CLRN2: variants seen among roughly 807,000 people sequenced by gnomAD.
CLRN2 encodes clarin 2, also known as clarin-2.
A neutral mutation model predicts 20.1 loss-of-function variants in CLRN2; 17 were observed. The observed-to-expected ratio is 0.85, with a 90% CI of 0.58 to 1.27. The LOEUF is 1.27. CLRN2 is among the 50% of genes most tolerant of loss of function. The probability of loss-of-function intolerance (pLI) is 0.00; values close to 1 mark genes in which losing one functional copy is unlikely to be tolerated. For synonymous variants in CLRN2, 140 were observed against 126.9 expected (o/e 1.10, Z -0.70); for missense variants, 288 against 299.5 (o/e 0.96, Z 0.28).
At chr4:17,516,918 G>A (rs1049693450) in intron 1 of CLRN2, among the ~76,000 whole-genome samples, 3 of 152,176 alleles carry the variant, frequency 2.0e-5, no homozygotes, top group African/African-American at 7.2e-5. Flanking sequence ...AGGGAAAATG[G>A]CTTACACATT....
intron 2 of CLRN2, among the ~76,000 whole-genome samples, chr4:17,524,006 C>A (rs991269552): frequency 1.3e-5 from 2 of 151,744 alleles, no homozygotes; most frequent in African/African-American, 2.4e-5. Flanking sequence ...TCACCACATC[C>A]CTATGGGAGG....
In CLRN2 at chr4:17,527,063, C is replaced by G; in HGVS notation, c.680C>G (p.Ala227Gly). ...KTKIEEATVT[A>G]EDILY ...AAAATCGAAGAGGCCACGGTCACAGCTGAGGATATCTTGTATTAATAGCCT... is the reference window on the plus strand; with the variant it reads ...AAAATCGAAGAGGCCACGGTCACAGGTGAGGATATCTTGTATTAATAGCCT... Residue 227 changes from alanine (A) to glycine (G), a missense_variant, in exon 3 of 3, where the codon GCT (alanine) becomes GGT (glycine). Ala to Gly is a moderately conservative substitution (Grantham distance 60). Coordinates refer to ENST00000511148, the MANE Select transcript of CLRN2 (RefSeq NM_001079827.2). 1 of 1,613,930 alleles carries G rather than the reference C, an allele frequency of 6.2e-7. No homozygotes were observed. The highest frequency in any genetic ancestry group is 8.5e-7 in the Non-Finnish European group (1 of 1,179,876).
In CLRN2 at chr4:17,526,807, T is replaced by A. The variant is rs1443882328; in HGVS notation, c.434-10T>A. 1 of 1,613,340 alleles carries A rather than the reference T, an allele frequency of 6.2e-7. No homozygotes were observed. On this transcript the variant is annotated splice_polypyrimidine_tract_variant and intron_variant, in intron 2 of 2. Transcript: ENST00000511148. ...GAGCCGTGAATGAGGGTGACCTTTT[T>A]GAGTTTCAGGCGGCGTCGTGGCGTT...
Position 17,515,528 on chromosome 4 carries a change from A to G in CLRN2, c.253+9A>G, listed in dbSNP as rs1261949969. 3 of 1,612,014 alleles carry G rather than the reference A, an allele frequency of 1.9e-6. No individual in the cohort carries two copies. Among genetic ancestry groups the G allele is most frequent in the Non-Finnish European group, 2.5e-6 (3 of 1,178,514 alleles). ...CCAATCCCAATTCACGAGTGAGTATATTGGGAGCATGAAAGCTGATTCTAG... is the reference window on the plus strand; with the variant it reads ...CCAATCCCAATTCACGAGTGAGTATGTTGGGAGCATGAAAGCTGATTCTAG... On this transcript the variant is annotated intron_variant, in intron 1 of 2. Coordinates refer to ENST00000511148, the MANE Select transcript of CLRN2 (RefSeq NM_001079827.2).
intron 1 of CLRN2, 51 bp downstream of exon 1, chr4:17,515,570 A>T: frequency 6.3e-7 from 1 of 1,592,382 alleles, no homozygotes; most frequent in Non-Finnish European, 8.6e-7. Flanking sequence ...ATTTTTGTTA[A>T]TGTGTAAGAG....
rs1711712845 is a variant in CLRN2, at chr4:17,517,616, C to G, written c.253+2097C>G. Among the ~76,000 whole-genome samples, 4 of 152,150 alleles carry G rather than the reference C, an allele frequency of 2.6e-5. No individual in the cohort carries two copies. In the South Asian group the frequency reaches 8.3e-4, roughly 32 times the overall value. ...GTACTTCTTGCCTTCCTCCTTCTTC[C>G]TTCTTAGAAGGACACCAATGGGAAA... On this transcript the variant is annotated intron_variant, in intron 1 of 2. Transcript: ENST00000511148.
At chr4:17,519,012 C>G (rs1711768325) in intron 1 of CLRN2, among the ~76,000 whole-genome samples, 1 of 152,216 alleles carries the variant, frequency 6.6e-6, no homozygotes, top group Admixed American at 6.5e-5. Context: ...TGCTTTGCAG[C>G]TTTTAGTTCT....
At position 17,515,466 on chromosome 4, in the gene CLRN2, G is replaced by A. The variant is rs368869685; in HGVS notation, c.200G>A (p.Arg67Gln). Residue 67 changes from arginine to glutamine, a missense_variant, in exon 1 of 3, where the codon CGA becomes CAA. Coordinates refer to ENST00000511148, the MANE Select transcript of CLRN2 (RefSeq NM_001079827.2). ...GGGGACATTTACTACGGGCTCTTCC[G>A]AGGGTGTAAAGTGCGGCAGTGTGGG... ...FIGDIYYGLF[R>Q]GCKVRQCGLG... 116 of 1,613,852 alleles carry A rather than the reference G, an allele frequency of 7.2e-5. No homozygotes were observed. Among genetic ancestry groups the A allele is most frequent in the Middle Eastern group, 1.6e-4 (1 of 6,082 alleles).
chr4:17,526,872 C>G lies in CLRN2; in HGVS notation c.489C>G (p.Asp163Glu). The G allele has an allele frequency of 6.2e-7, 1 of 1,613,992 alleles. No individual in the cohort carries two copies. The highest frequency in any genetic ancestry group is 8.5e-7 in the Non-Finnish European group (1 of 1,179,894). ...ASFVAAVKFHDLTERIANFQE... is the reference protein window; with the variant it reads ...ASFVAAVKFHELTERIANFQE... ...TCGTGGCTGCGGTGAAATTTCACGA[C>G]CTGACGGAACGAATCGCCAACTTTC... The change falls in exon 3 of 3, where the codon GAC (aspartate) becomes GAG (glutamate). Residue 163 changes from aspartate (D) to glutamate (E), a missense_variant. Asp to Glu is a conservative substitution (Grantham distance 45). Coordinates refer to ENST00000511148, the MANE Select transcript of CLRN2 (RefSeq NM_001079827.2).
chr4:17,523,026 T>A lies in CLRN2; in HGVS notation c.416T>A (p.Leu139Gln). 6.2e-7 allele frequency: 1 copy of A among 1,612,766 alleles called. No homozygotes were observed. Among genetic ancestry groups the A allele is most frequent in the South Asian group, 1.1e-5 (1 of 90,960 alleles). Residue 139 changes from leucine to glutamine, a missense_variant, in exon 2 of 3, where the codon CTA becomes CAA. Leu to Gln is a moderately radical substitution (Grantham distance 113). Coordinates refer to ENST00000511148, the MANE Select transcript of CLRN2 (RefSeq NM_001079827.2). Reference sequence around the variant, plus strand: ...GTCAGCGGTCCTGGGGGCATCTGCCTATGGAATGTCCTGGCAGGTAAGAAG... The same window carrying A: ...GTCAGCGGTCCTGGGGGCATCTGCCAATGGAATGTCCTGGCAGGTAAGAAG... ...RAVSGPGGIC[L>Q]WNVLAGGVVA...
chr4:17,523,159 C>CTGGGTCTAAGACCTTCT, intron 2 of CLRN2, 116 bp downstream of exon 2: 3 of 757,416 alleles, frequency 4.0e-6, no homozygotes, highest in Non-Finnish European at 6.2e-6. Flanking sequence ...CTTGACCTTC[C>CTGGGTCTAAGACCTTCT]TGGGTCTAAG....
Position 17,515,236 on chromosome 4 carries a change from G to T in CLRN2, c.-31G>T, listed in dbSNP as rs753910860. On this transcript the variant is annotated 5_prime_UTR_variant, in exon 1 of 3. Coordinates refer to ENST00000511148, the MANE Select transcript of CLRN2 (RefSeq NM_001079827.2). ...TGTCAATGACCCTCGCTGCTGCTCG[G>T]AGACCTTGGGGATGACCTGCACCCA... 1.2e-6 allele frequency: 2 copies of T among 1,607,882 alleles called. No individual in the cohort carries two copies. The highest frequency in any genetic ancestry group is 1.1e-5 in the South Asian group (1 of 90,816).
Position 17,515,335 on chromosome 4 carries a change from G to A in CLRN2, c.69G>A (p.Leu23=), listed in dbSNP as rs754500163. The change falls in exon 1 of 3, where the codon CTG becomes CTA. Residue 23 remains leucine (L), a synonymous_variant. Transcript: ENST00000511148. The stretch of plus-strand genomic sequence containing the variant: ...TACTCAGCTTCTCCTCCTTCATCCT[G>A]ATCATCGTTGCCCTGGTAGTGCCCC... ...ASLLSFSSFI[L]IIVALVVPHW... 1 of 1,614,042 alleles carries A rather than the reference G, an allele frequency of 6.2e-7. No individual in the cohort carries two copies.
At chr4:17,524,831 C>G (rs1161073103) in intron 2 of CLRN2, among the ~76,000 whole-genome samples, 1 of 151,862 alleles carries the variant, frequency 6.6e-6, no homozygotes, top group Non-Finnish European at 1.5e-5. Flanking sequence ...ATAATCCCAA[C>G]ACTTAGGGAG....
chr4:17,517,912 G>A (rs527251513), intron 1 of CLRN2, among the ~76,000 whole-genome samples: 1 of 152,240 alleles, frequency 6.6e-6, no homozygotes, highest in East Asian at 1.9e-4. Context: ...CAGGGACACT[G>A]ATAGTGCCAG....
intron 2 of CLRN2, among the ~76,000 whole-genome samples, chr4:17,525,861 T>C (rs1210275616): frequency 6.6e-6 from 1 of 152,150 alleles, no homozygotes; most frequent in Non-Finnish European, 1.5e-5. Context: ...TAAATTTGCT[T>C]ATGATTTTCT....
At position 17,523,028 on chromosome 4, in the gene CLRN2, T is replaced by C; in HGVS notation, c.418T>C (p.Trp140Arg). 1 of 1,612,576 alleles carries C rather than the reference T, an allele frequency of 6.2e-7. No individual in the cohort carries two copies. Among genetic ancestry groups the C allele is most frequent in the Non-Finnish European group, 8.5e-7 (1 of 1,179,540 alleles). Residue 140 changes from tryptophan (W) to arginine (R), a missense_variant, in exon 2 of 3, where the codon TGG becomes CGG. By Grantham distance (101) the Trp-to-Arg change is moderately radical. Coordinates refer to ENST00000511148, the MANE Select transcript of CLRN2 (RefSeq NM_001079827.2). Reference sequence around the variant, plus strand: ...CAGCGGTCCTGGGGGCATCTGCCTATGGAATGTCCTGGCAGGTAAGAAGTC... The same window carrying C: ...CAGCGGTCCTGGGGGCATCTGCCTACGGAATGTCCTGGCAGGTAAGAAGTC... ...AVSGPGGICL[W>R]NVLAGGVVAL...
Position 17,515,475 on chromosome 4 carries a change from A to T in CLRN2, c.209A>T (p.Lys70Ile). Residue 70 changes from lysine (K) to isoleucine (I), a missense_variant, in exon 1 of 3, where the codon AAA becomes ATA. Coordinates refer to ENST00000511148, the MANE Select transcript of CLRN2 (RefSeq NM_001079827.2). ...TACTACGGGCTCTTCCGAGGGTGTA[A>T]AGTGCGGCAGTGTGGGCTTGGGGGC... ...DIYYGLFRGC[K>I]VRQCGLGGRQ... 6.2e-7 allele frequency: 1 copy of T among 1,613,986 alleles called. No individual in the cohort carries two copies. The highest frequency in any genetic ancestry group is 8.5e-7 in the Non-Finnish European group (1 of 1,179,892).
intron 2 of CLRN2, among the ~76,000 whole-genome samples, chr4:17,524,682 C>G (rs1310148932): frequency 6.6e-6 from 1 of 151,852 alleles, no homozygotes; most frequent in African/African-American, 2.4e-5. Flanking sequence ...AGAGAGATAG[C>G]ACTCTCAGAC....
Sources: gnomAD v4.1 joint callset for allele counts (sites outside exome capture counted in the v4.1 genomes callset) on GRCh38, gnomAD v4.1.1 for gene constraint, MANE v1.5 for transcripts, NCBI Gene and HGNC (gene_info 2026-07-23, HGNC 2026-07-21) for gene names.